SHOX2: variants seen among roughly 807,000 people sequenced by gnomAD.
SHOX2 encodes short stature homeobox protein 2.
SHOX2 carries 13 observed loss-of-function variants against 31.3 expected under a neutral mutation model. The observed-to-expected ratio is 0.42, with a 90% CI of 0.27 to 0.66. The LOEUF is 0.66. Among genes scored for constraint, SHOX2 ranks in the 30% least tolerant of loss-of-function variants. The pLI is 0.27. For missense variants in SHOX2, 473 were observed against 443.0 expected, an observed-to-expected ratio of 1.07 and a Z score of -0.61; for synonymous variants, 244 against 196.2, an observed-to-expected ratio of 1.24 and a Z score of -2.04.
chr3:158,106,112 C>A lies in SHOX2; in HGVS notation c.-88G>T. 1.1e-5 allele frequency: 18 copies of A among 1,576,122 alleles called. No individual in the cohort carries two copies. Among genetic ancestry groups the A allele is most frequent in the Non-Finnish European group, 1.5e-5 (18 of 1,161,784 alleles). ...CTTCTTTTTTTACTGCTCCAGCCCC[C>A]CCAATAATAACACATCAATGGGACA... On this transcript the variant is annotated 5_prime_UTR_variant, in exon 1 of 5. Coordinates refer to ENST00000483851, the MANE Select transcript of SHOX2 (RefSeq NM_001163678.2).
At chr3:158,102,958 A>T in intron 1 of SHOX2, 72 bp from the exon 2 acceptor site, 1 of 1,315,296 alleles carries the variant, frequency 7.6e-7, no homozygotes, top group Non-Finnish European at 1.1e-6. Context: ...ACACACACGG[A>T]CGAAAACAGC....
intron 1 of SHOX2, chr3:158,105,114 G>A: frequency 6.5e-7 from 1 of 1,533,986 alleles, no homozygotes; most frequent in East Asian, 2.5e-5. Context: ...CTCAGCTTTC[G>A]TTGGCTTCCT....
In SHOX2 at chr3:158,098,074, C is replaced by T; in HGVS notation, c.913G>A (p.Asp305Asn). The change falls in exon 5 of 5, where the codon GAT becomes AAT. Residue 305 changes from aspartate to asparagine, a missense_variant. Asp to Asn is a conservative substitution (Grantham distance 23, BLOSUM62 1). Coordinates refer to ENST00000483851, the MANE Select transcript of SHOX2 (RefSeq NM_001163678.2). ...TGCTTTTTGGCTTTCAGTCTGAGAT[C>T]GGCGATGCTGGAGTTCTTGCTGGTG... ...KTTSKNSSIA[D>N]LRLKAKKHAA... is the part of the protein sequence containing the mutation. 2 of 1,611,334 alleles carry T rather than the reference C, an allele frequency of 1.2e-6. No individual in the cohort carries two copies. Among genetic ancestry groups the T allele is most frequent in the Non-Finnish European group, 8.5e-7 (1 of 1,178,274 alleles).
chr3:158,105,294 T>C (rs1278676537), intron 1 of SHOX2: 5 of 608,456 alleles, frequency 8.2e-6, no homozygotes, highest in Non-Finnish European at 1.5e-5. Flanking sequence ...AGGCTAGCTT[T>C]AGTCCCGCCG....
At chr3:158,101,872 A>G (rs1402203321) in intron 2 of SHOX2, among the ~76,000 whole-genome samples, 1 of 152,218 alleles carries the variant, frequency 6.6e-6, no homozygotes, top group Non-Finnish European at 1.5e-5. Context: ...GAATGTACAC[A>G]ATTTGCTCCT....
chr3:158,102,493 A>AG (rs58414058), intron 2 of SHOX2, among the ~76,000 whole-genome samples, 185 bp downstream of exon 2: 1 of 151,242 alleles, frequency 6.6e-6, no homozygotes, highest in African/African-American at 2.4e-5. Context: ...AAAAAAAAAA[A>AG]GGAGGGGAGT....
In SHOX2 at chr3:158,102,839, C is replaced by T. The variant is rs371004002; in HGVS notation, c.394G>A (p.Asp132Asn). The T allele has an allele frequency of 5.4e-5, 87 of 1,613,984 alleles. No homozygotes were observed. The highest frequency in any genetic ancestry group is 1.3e-4 in the Admixed American group (8 of 59,996). The part of the protein sequence containing the change: ...DRKEDAKGME[D>N]EGQTKIKQRR... The stretch of plus-strand genomic sequence containing the variant: ...TGCTTGATTTTGGTCTGGCCTTCGT[C>T]CTCCATCCCTTTCGCATCCTCTTTG... The change falls in exon 2 of 5, where the codon GAC (aspartate) becomes AAC (asparagine). Residue 132 changes from aspartate to asparagine, a missense_variant. Asp to Asn is a conservative substitution (Grantham distance 23). Transcript: ENST00000483851.
chr3:158,105,185 C>A, intron 1 of SHOX2: 1 of 1,140,226 alleles, frequency 8.8e-7, no homozygotes, highest in African/African-American at 1.5e-5. Flanking sequence ...AGGGGCTCTG[C>A]GGAGTTCGAG....
chr3:158,105,893 G>T lies in SHOX2; in HGVS notation c.132C>A (p.Thr44=), dbSNP rs1356206810. ...LRGAKEPTGC[T]EAGRDDRSSP... is the part of the protein sequence containing the mutation. ...TGCTGCGGTCGTCGCGGCCCGCCTC[G>T]GTGCAGCCGGTCGGCTCCTTGGCCC... The change falls in exon 1 of 5, where the codon ACC becomes ACA. Residue 44 remains threonine, a synonymous_variant. Transcript: ENST00000483851. The T allele has an allele frequency of 1.3e-6, 2 of 1,565,846 alleles. No homozygotes were observed. The highest frequency in any genetic ancestry group is 2.3e-5 in the South Asian group (2 of 86,846).
chr3:158,098,303 C>A lies in SHOX2; in HGVS notation c.703-19G>T. The A allele has an allele frequency of 1.9e-6, 3 of 1,611,412 alleles. No homozygotes were observed. The highest frequency in any genetic ancestry group is 2.5e-6 in the Non-Finnish European group (3 of 1,178,468). On this transcript the variant is annotated intron_variant, in intron 4 of 4. Transcript: ENST00000483851. ...CCTGAACCTGAAAGGACAAGGGCGT[C>A]ACGTTGCAATGACTATCCTAGGGTG...
Position 158,105,777 on chromosome 3 carries a change from G to GCTCCTCCTCCTC in SHOX2, c.236_247dup (p.Gly79_Gly82dup), listed in dbSNP as rs763273803. On this transcript the variant is annotated inframe_insertion, in exon 1 of 5. Transcript: ENST00000483851. ...GCGCCCTCCTCCAGCTCCTCCGCCTGCTCCTCCTCCTCCTACACCTCCTCC... is the reference window on the plus strand; with the variant it reads ...GCGCCCTCCTCCAGCTCCTCCGCCTGCTCCTCCTCCTCCTCCTCCTCCTCCTACACCTCCTCC... The GCTCCTCCTCCTC allele has an allele frequency of 4.0e-6, 6 of 1,513,016 alleles. No homozygotes were observed. The South Asian group carries it at 4.9e-5, about 12-fold the overall frequency. The allele number at this position is 1,513,016 out of a possible 1,614,324, so 93.7% of individuals were successfully genotyped here.
chr3:158,099,269 T>A (rs1713331012), intron 4 of SHOX2, among the ~76,000 whole-genome samples: 1 of 152,252 alleles, frequency 6.6e-6, no homozygotes. Flanking sequence ...GCTGTCCTTT[T>A]AAAATGTACT....
intron 2 of SHOX2, among the ~76,000 whole-genome samples, chr3:158,102,111 C>T (rs938639756): frequency 2.6e-5 from 4 of 152,122 alleles, no homozygotes; most frequent in African/African-American, 7.2e-5. Context: ...TTTATTTCTC[C>T]GCTATTTCAC....
intron 4 of SHOX2, 143 bp downstream of exon 4, chr3:158,099,717 G>C: frequency 1.5e-6 from 1 of 668,466 alleles, no homozygotes; most frequent in South Asian, 1.9e-5. Context: ...AAAGGGTAGT[G>C]GGTCCACTAT....
intron 1 of SHOX2, chr3:158,103,466 C>G (rs1359871381): frequency 6.1e-6 from 1 of 164,086 alleles, no homozygotes; most frequent in Non-Finnish European, 1.3e-5. Context: ...GCGAGAGCAA[C>G]AGACCCCGGT....
Position 158,106,018 on chromosome 3 carries a change from C to T in SHOX2, c.7G>A (p.Glu3Lys). The T allele has an allele frequency of 6.2e-7, 1 of 1,612,858 alleles. No individual in the cohort carries two copies. Among genetic ancestry groups the T allele is most frequent in the Non-Finnish European group, 8.5e-7 (1 of 1,179,558 alleles). The change falls in exon 1 of 5, where the codon GAA (glutamate) becomes AAA (lysine). Residue 3 changes from glutamate to lysine, a missense_variant. Transcript: ENST00000483851. Reference sequence around the variant, plus strand: ...GACTTGGAGACGAACGCCGTAAGTTCTTCCATCGCCGCCGCACGTCAGCCC... The same window carrying T: ...GACTTGGAGACGAACGCCGTAAGTTTTTCCATCGCCGCCGCACGTCAGCCC... ME[E>K]LTAFVSKSFD...
In SHOX2 at chr3:158,106,281, G is replaced by A. The variant is rs536033497; in HGVS notation, c.-257C>T. 2.4e-4 allele frequency: 123 copies of A among 515,640 alleles called. No homozygotes were observed. Among genetic ancestry groups the A allele is most frequent in the Admixed American group, 4.1e-4 (11 of 26,754 alleles). 31.9% of individuals were successfully genotyped at this position (515,640 alleles called of 1,614,324 possible). ...GGAAGAGGGGGAGAAGGGTGAAGAG[G>A]AGAGGGAGGAGGAGGAGGAGAAGAG... On this transcript the variant is annotated 5_prime_UTR_variant, in exon 1 of 5. Transcript: ENST00000483851.
At chr3:158,102,944 G>C in intron 1 of SHOX2, 58 bp from the exon 2 acceptor site, 7 of 1,282,352 alleles carry the variant, frequency 5.5e-6, no homozygotes, top group Non-Finnish European at 7.9e-6. Context: ...ACACACACAC[G>C]CACACACACA....
At chr3:158,103,146 A>G in intron 1 of SHOX2, 1 of 548,580 alleles carries the variant, frequency 1.8e-6, no homozygotes, top group Non-Finnish European at 3.3e-6. Context: ...CTCCTTCACA[A>G]ACGTACCTCG....
Sources: gnomAD v4.1 joint callset for allele counts (sites outside exome capture counted in the v4.1 genomes callset) on GRCh38, gnomAD v4.1.1 for gene constraint, MANE v1.5 for transcripts, NCBI Gene and HGNC (gene_info 2026-07-23, HGNC 2026-07-21) for gene names.